The following SPSB1 variants were observed in gnomAD, a reference collection of about 807,000 sequenced individuals.
SPSB1 encodes splA/ryanodine receptor domain and SOCS box containing 1.
Under a neutral mutation model 21.2 loss-of-function variants are expected in SPSB1, and 8 were observed. That is an observed-to-expected ratio of 0.38 (90% CI 0.22 to 0.68). The LOEUF (loss-of-function observed/expected upper bound fraction) is 0.68. Ranked by LOEUF, SPSB1 falls within the 30% of genes least tolerant of loss-of-function variation. SPSB1 has a pLI of 0.53. For synonymous variants in SPSB1, 169 were observed against 161.7 expected (o/e 1.05, Z -0.34); for missense variants, 242 against 377.8 (o/e 0.64, Z 2.98).
At chr1:9,332,039 T>C (rs1173607117) in intron 1 of SPSB1, among the ~76,000 whole-genome samples, 4 of 152,160 alleles carry the variant, frequency 2.6e-5, no homozygotes, top group African/African-American at 7.2e-5. Flanking sequence ...GTGTTTGAAT[T>C]ACAGATTTTC....
chr1:9,313,902 G>A (rs1018478201), intron 1 of SPSB1, among the ~76,000 whole-genome samples: 2 of 152,196 alleles, frequency 1.3e-5, no homozygotes, highest in African/African-American at 4.8e-5. Context: ...CTGGCCAGGC[G>A]CTGTGGCTCA....
At chr1:9,361,156 CTTTTTTTTTTTTTTT>C (rs57871457) in intron 2 of SPSB1, among the ~76,000 whole-genome samples, 15 of 102,578 alleles carry the variant, frequency 1.5e-4, no homozygotes, top group African/African-American at 5.8e-4. Context: ...CTGTCATTTT[CTTTTTTTTTTTTTTT>C]TTTTTTTTTT....
At chr1:9,364,542 C>T (rs185246852) in intron 2 of SPSB1, among the ~76,000 whole-genome samples, 14 of 152,280 alleles carry the variant, frequency 9.2e-5, no homozygotes, top group African/African-American at 3.4e-4. Flanking sequence ...CTGTGAGGAG[C>T]CGGGTGGGTG....
chr1:9,341,805 C>T (rs1479386953), intron 1 of SPSB1, among the ~76,000 whole-genome samples: 3 of 152,174 alleles, frequency 2.0e-5, no homozygotes, highest in African/African-American at 4.8e-5. Context: ...CGGGTTCAAG[C>T]GATTCTCCTG....
At chr1:9,332,473 T>C (rs1004797335) in intron 1 of SPSB1, among the ~76,000 whole-genome samples, 4 of 152,064 alleles carry the variant, frequency 2.6e-5, no homozygotes, top group African/African-American at 9.7e-5. Context: ...AGGGGGCCAT[T>C]TGAGTCTACA....
At chr1:9,366,724 C>T (rs1640578290) in intron 2 of SPSB1, among the ~76,000 whole-genome samples, 1 of 152,132 alleles carries the variant, frequency 6.6e-6, no homozygotes, top group African/African-American at 2.4e-5. Context: ...CAGGCACACA[C>T]CACCACGCCC....
rs1639637437 is a variant in SPSB1, at chr1:9,317,684, C to G, written c.-150+24613C>G. On this transcript the variant is annotated intron_variant, in intron 1 of 2. Transcript: ENST00000328089. The surrounding 1 kb of genome is among the most constrained non-coding windows in gnomAD (Gnocchi z 4.3). Reference sequence around the variant, plus strand: ...TTTTTTGTAGAGTTGGGGTTTCACCCTATTGCCAGGCTGGTCTCAAACTCC... The same window carrying G: ...TTTTTTGTAGAGTTGGGGTTTCACCGTATTGCCAGGCTGGTCTCAAACTCC... Among the ~76,000 whole-genome samples, 1 of 152,088 alleles carries G rather than the reference C, an allele frequency of 6.6e-6. No homozygotes were observed. The highest frequency in any genetic ancestry group is 2.4e-5 in the African/African-American group (1 of 41,412).
intron 1 of SPSB1, among the ~76,000 whole-genome samples, chr1:9,351,163 G>A (rs1393593338): frequency 6.6e-6 from 1 of 152,222 alleles, no homozygotes; most frequent in Non-Finnish European, 1.5e-5. Context: ...ACACATTCAT[G>A]CCCATTGATT....
chr1:9,367,688 G>A lies in SPSB1; in HGVS notation c.*113G>A, dbSNP rs1640601718. The A allele has an allele frequency of 1.4e-6, 2 of 1,428,126 alleles. No homozygotes were observed. The highest frequency in any genetic ancestry group is 2.9e-5 in the African/African-American group (2 of 69,886). 88.5% of individuals were successfully genotyped at this position (1,428,126 alleles called of 1,614,324 possible). ...GGACCGGCATCCGTAGCCATGGACA[G>A]AGGTCCCTGGTCTTCCCTCATCCTC... On this transcript the variant is annotated 3_prime_UTR_variant, in exon 3 of 3. Transcript: ENST00000328089. The surrounding 1 kb of genome is among the most constrained non-coding windows in gnomAD (Gnocchi z 5.9).
intron 2 of SPSB1, among the ~76,000 whole-genome samples, chr1:9,359,990 G>A (rs549840317): frequency 1.3e-5 from 2 of 152,260 alleles, no homozygotes; most frequent in South Asian, 2.1e-4. Flanking sequence ...CTGCTGACCC[G>A]AGATGGGAAA....
chr1:9,341,451 C>G (rs1640089788), intron 1 of SPSB1, among the ~76,000 whole-genome samples: 2 of 152,256 alleles, frequency 1.3e-5, no homozygotes, highest in African/African-American at 2.4e-5. Context: ...TCTGCCTGTT[C>G]TGTGTATCCA....
intron 1 of SPSB1, among the ~76,000 whole-genome samples, chr1:9,309,708 T>A (rs1161405935): frequency 6.6e-6 from 1 of 152,012 alleles, no homozygotes; most frequent in Non-Finnish European, 1.5e-5. Flanking sequence ...TCGGGGATGG[T>A]GGTGCATGCC....
chr1:9,336,780 C>T (rs1318572274), intron 1 of SPSB1, among the ~76,000 whole-genome samples: 1 of 152,206 alleles, frequency 6.6e-6, no homozygotes, highest in Admixed American at 6.5e-5. Flanking sequence ...CCTTTTCATT[C>T]GGTGATGAAA....
chr1:9,362,786 T>C (rs1187764305), intron 2 of SPSB1, among the ~76,000 whole-genome samples: 1 of 152,274 alleles, frequency 6.6e-6, no homozygotes, highest in African/African-American at 2.4e-5. Context: ...GCTGGTGCAC[T>C]GTCTCTTCCA....
At chr1:9,343,210 C>T (rs61161076) in intron 1 of SPSB1, among the ~76,000 whole-genome samples, 2,935 of 152,258 alleles carry the variant, frequency 0.019, 102 homozygotes, top group African/African-American at 0.068. Flanking sequence ...AAAAGAGGCT[C>T]GAGTCCCAAA....
intron 1 of SPSB1, among the ~76,000 whole-genome samples, chr1:9,316,235 C>G (rs1639610819): frequency 1.3e-5 from 2 of 152,146 alleles, no homozygotes; most frequent in South Asian, 2.1e-4. Context: ...TCCGGCACCC[C>G]CAGGAGACCT....
chr1:9,297,954 C>T (rs948156201), intron 1 of SPSB1, among the ~76,000 whole-genome samples: 1 of 152,194 alleles, frequency 6.6e-6, no homozygotes, highest in Non-Finnish European at 1.5e-5. Flanking sequence ...TGATCCAGCC[C>T]TTACAGTGGG....
intron 1 of SPSB1, among the ~76,000 whole-genome samples, chr1:9,299,907 T>C (rs1392681899): frequency 1.4e-5 from 2 of 144,658 alleles, no homozygotes; most frequent in African/African-American, 5.2e-5. Flanking sequence ...AGACTTGCAG[T>C]GAGCAGTGAT....
intron 1 of SPSB1, among the ~76,000 whole-genome samples, chr1:9,296,194 G>A (rs141161901): frequency 3.5e-4 from 54 of 152,340 alleles, no homozygotes; most frequent in African/African-American, 1.1e-3. Context: ...GTGCGTGCGA[G>A]TACTGGCTCT....
Sources: allele counts gnomAD v4.1 joint callset (sites outside exome capture counted in the v4.1 genomes callset), GRCh38; gene constraint gnomAD v4.1.1; non-coding constraint Gnocchi (gnomAD v3.1); transcripts MANE v1.5; gene names NCBI Gene and HGNC (gene_info 2026-07-23, HGNC 2026-07-21).